Variants in MYOCD observed in about 807,000 individuals in gnomAD.
MYOCD encodes myocardin.
MYOCD carries 32 observed loss-of-function variants against 96.1 expected under a neutral mutation model. The observed-to-expected ratio is 0.33, with a 90% CI of 0.25 to 0.45. The LOEUF (loss-of-function observed/expected upper bound fraction) is 0.45, where lower values mean the gene tolerates loss of function less well. Among genes scored for constraint, MYOCD ranks in the 20% least tolerant of loss-of-function variants. The probability of loss-of-function intolerance (pLI) is 1.00; values close to 1 mark genes in which losing one functional copy is unlikely to be tolerated. For missense variants in MYOCD, 1,133 were observed against 1,200.6 expected (o/e 0.94, Z 0.83); for synonymous variants, 469 against 469.0 (o/e 1.00, Z 0.00).
rs1311645327 is a variant in MYOCD, at chr17:12,765,249, A to G, written c.*1605A>G. ...CATTTTATATTGTTGCATGCTGTAG[A>G]AAGGAGCTATTGCTGTTGTTTTGTT... On this transcript the variant is annotated 3_prime_UTR_variant, in exon 14 of 14. Transcript: ENST00000425538. 1 of 152,104 alleles carries G rather than the reference A, an allele frequency of 6.6e-6. No homozygotes were observed. The highest frequency in any genetic ancestry group is 1.9e-4 in the East Asian group (1 of 5,202). 9.4% of individuals were successfully genotyped at this position (152,104 alleles called of 1,614,324 possible).
chr17:12,751,345 CTT>C (rs1322587272), intron 9 of MYOCD, among the ~76,000 whole-genome samples: 1 of 151,646 alleles, frequency 6.6e-6, no homozygotes, highest in East Asian at 1.9e-4. Flanking sequence ...TCAATTCAAA[CTT>C]TGTTCACTTG....
At chr17:12,703,748 C>T (rs1597758158) in intron 1 of MYOCD, among the ~76,000 whole-genome samples, 2 of 151,738 alleles carry the variant, frequency 1.3e-5, no homozygotes, top group East Asian at 3.9e-4. Flanking sequence ...TGAGGCTCTG[C>T]TCATTTTTTT....
intron 7 of MYOCD, among the ~76,000 whole-genome samples, chr17:12,742,576 AT>A (rs71144922): frequency 0.083 from 12,131 of 146,670 alleles, 502 homozygotes; most frequent in Middle Eastern, 0.13. Flanking sequence ...TTTGAAAATT[AT>A]TTTTTTTTTT....
At chr17:12,758,247 G>C (rs751901555) in intron 12 of MYOCD, 34 bp downstream of exon 12, 6 of 1,613,550 alleles carry the variant, frequency 3.7e-6, no homozygotes, top group Non-Finnish European at 5.1e-6. Context: ...TGGAAGAATA[G>C]ACTGACTCAA....
chr17:12,677,711 CAA>C (rs961749999), intron 1 of MYOCD, among the ~76,000 whole-genome samples: 2 of 119,230 alleles, frequency 1.7e-5, no homozygotes, highest in Non-Finnish European at 1.8e-5. Flanking sequence ...GACTCTGTCT[CAA>C]AAAAAAAAAA....
chr17:12,749,308 G>T (rs557199877), intron 9 of MYOCD, among the ~76,000 whole-genome samples: 1 of 151,996 alleles, frequency 6.6e-6, no homozygotes, highest in East Asian at 1.9e-4. Flanking sequence ...TGGGCGGATC[G>T]CTTGAGGTCA....
At chr17:12,750,328 G>A (rs771438303) in intron 9 of MYOCD, among the ~76,000 whole-genome samples, 4 of 152,140 alleles carry the variant, frequency 2.6e-5, no homozygotes, top group Non-Finnish European at 5.9e-5. Flanking sequence ...GCTCCCAGGC[G>A]ATGCTGATGT....
chr17:12,741,588 A>T (rs747497019), intron 7 of MYOCD, among the ~76,000 whole-genome samples: 7 of 152,052 alleles, frequency 4.6e-5, no homozygotes, highest in African/African-American at 7.2e-5. Flanking sequence ...GTGTGCCTGT[A>T]ATCCCAGCTA....
rs751073096 is a variant in MYOCD at position 12,756,570 on chromosome 17, A to G, written c.2202+13A>G. ...TGTACAGCAAAAGGTAGGCACCTGA[A>G]AAAAGGCCTCAACCTGGGATTCACT... is the stretch of plus-strand genomic sequence containing the variant. On this transcript the variant is annotated intron_variant, in intron 11 of 13. Transcript: ENST00000425538. 1.0e-5 allele frequency: 16 copies of G among 1,547,234 alleles called. No homozygotes were observed. The highest frequency in any genetic ancestry group is 1.1e-5 in the Non-Finnish European group (13 of 1,144,184).
Position 12,753,204 on chromosome 17 carries a change from C to T in MYOCD, c.1916C>T (p.Pro639Leu), listed in dbSNP as rs369146035. Residue 639 changes from proline (P) to leucine (L), a missense_variant, in exon 10 of 14, where the codon CCG becomes CTG. Transcript: ENST00000425538. ...CCCCAGTGTTCCCCTCAGCATTCAC[C>T]GCTGGGGGCTGTGAAAAGCCCACAG... ...LSPQCSPQHS[P>L]LGAVKSPQHI... The T allele has an allele frequency of 8.7e-5, 141 of 1,614,144 alleles. No homozygotes were observed. Among genetic ancestry groups the T allele is most frequent in the Admixed American group, 3.5e-4 (21 of 60,020 alleles).
Position 12,666,192 on chromosome 17 carries a change from A to G in MYOCD, c.4A>G (p.Thr2Ala). ...CAGCGGCTTGCTGAGACTCAACATGACACTCCTGGGGTCTGAGCATTCCTT... is the reference window on the plus strand; with the variant it reads ...CAGCGGCTTGCTGAGACTCAACATGGCACTCCTGGGGTCTGAGCATTCCTT... M[T>A]LLGSEHSLLI... is the part of the protein sequence containing the mutation. The change falls in exon 1 of 14, where the codon ACA becomes GCA. Residue 2 changes from threonine (T) to alanine (A), a missense_variant. By Grantham distance (58) the Thr-to-Ala change is moderately conservative. Transcript: ENST00000425538. 1 of 1,613,580 alleles carries G rather than the reference A, an allele frequency of 6.2e-7. No homozygotes were observed. Among genetic ancestry groups the G allele is most frequent in the Non-Finnish European group, 8.5e-7 (1 of 1,179,596 alleles).
intron 5 of MYOCD, among the ~76,000 whole-genome samples, chr17:12,730,763 A>G (rs899463170): frequency 6.6e-6 from 1 of 152,274 alleles, no homozygotes; most frequent in African/African-American, 2.4e-5. Context: ...TCTGTCCATG[A>G]TTTAAAATAG....
At chr17:12,673,532 T>G (rs987522778) in intron 1 of MYOCD, among the ~76,000 whole-genome samples, 17 of 152,192 alleles carry the variant, frequency 1.1e-4, no homozygotes, top group African/African-American at 4.1e-4. Context: ...TATATAGTAA[T>G]TTACTAAACC....
intron 5 of MYOCD, among the ~76,000 whole-genome samples, chr17:12,732,014 C>T (rs1288462040): frequency 6.6e-6 from 1 of 152,170 alleles, no homozygotes; most frequent in Admixed American, 6.5e-5. Context: ...GATCTTGTGG[C>T]CTGGACAGCG....
intron 4 of MYOCD, among the ~76,000 whole-genome samples, chr17:12,721,757 T>A (rs926769960): frequency 1.3e-5 from 2 of 152,144 alleles, no homozygotes; most frequent in African/African-American, 4.8e-5. Flanking sequence ...AGTCCTGAGT[T>A]GGTACACAGG....
At position 12,714,323 on chromosome 17, in the gene MYOCD, G is replaced by GCACACACACACACACACACA. The variant is rs4054959; in HGVS notation, c.122-1176_122-1157dup. 6.1e-3 allele frequency among the ~76,000 whole-genome samples: 837 copies of GCACACACACACACACACACA among 136,116 alleles called. 12 individuals carry two copies. The highest frequency in any genetic ancestry group is 0.013 in the East Asian group (58 of 4,360). The allele number at this position is 136,116 out of a possible 152,430, so 89.3% of individuals were successfully genotyped here. On this transcript the variant is annotated intron_variant, in intron 2 of 13. Coordinates refer to ENST00000425538, the MANE Select transcript of MYOCD (RefSeq NM_001146312.3). ...GTCTTAAGGGTTGAATGAGGCACGTGCACACACACACACACACACACACAC... is the reference window on the plus strand; with the variant it reads ...GTCTTAAGGGTTGAATGAGGCACGTGCACACACACACACACACACACACACACACACACACACACACACAC...
rs200829096 is a variant in MYOCD, at chr17:12,723,012, G to A, written c.415+4G>A. On this transcript the variant is annotated splice_donor_region_variant and intron_variant, in intron 5 of 13. Coordinates refer to ENST00000425538, the MANE Select transcript of MYOCD (RefSeq NM_001146312.3). ...GCTGTGAAAGAGGCCATAAAAGGTA[G>A]TTAGAACAAATGGCATGTCTCTCCT... The A allele has an allele frequency of 6.2e-7, 1 of 1,612,194 alleles. No individual in the cohort carries two copies. The highest frequency in any genetic ancestry group is 8.5e-7 in the Non-Finnish European group (1 of 1,179,090).
intron 8 of MYOCD, among the ~76,000 whole-genome samples, chr17:12,745,357 G>A (rs2032631586): frequency 6.6e-6 from 1 of 151,980 alleles, no homozygotes; most frequent in Non-Finnish European, 1.5e-5. Flanking sequence ...TTACAGGCAT[G>A]CGCCACCACG....
At position 12,697,225 on chromosome 17, in the gene MYOCD, A is replaced by T. The variant is rs186909286; in HGVS notation, c.56-7903A>T. The stretch of plus-strand genomic sequence containing the variant: ...GCACAGCTTTCAATTCCTCACTTGC[A>T]GATCTTAGAACTTAGTTTTTCAATC... On this transcript the variant is annotated intron_variant, in intron 1 of 13. Transcript: ENST00000425538. 3.3e-5 allele frequency among the ~76,000 whole-genome samples: 5 copies of T among 151,390 alleles called. No homozygotes were observed. In the East Asian group the frequency reaches 7.8e-4, roughly 24 times the overall value.
Sources: gnomAD v4.1 joint callset for allele counts (sites outside exome capture counted in the v4.1 genomes callset) on GRCh38, gnomAD v4.1.1 for gene constraint, MANE v1.5 for transcripts, NCBI Gene and HGNC (gene_info 2026-07-23, HGNC 2026-07-21) for gene names.